Variants in UBE4B observed in about 807,000 individuals in gnomAD.
UBE4B encodes the protein ubiquitination factor E4B.
A neutral mutation model predicts 148.1 loss-of-function variants in UBE4B; 27 were observed. The ratio of observed to expected loss-of-function variants is 0.18; its 90% CI spans 0.13 to 0.25. The LOEUF (loss-of-function observed/expected upper bound fraction) is 0.25. Ranked by LOEUF, UBE4B falls within the 10% of genes least tolerant of loss-of-function variation. The pLI, the probability that UBE4B is intolerant of heterozygous loss-of-function variation, is 1.00. For synonymous variants in UBE4B, 596 were observed against 619.3 expected (o/e 0.96, Z 0.56); for missense variants, 1,170 against 1,662.4 (o/e 0.70, Z 5.15).
chr1:10,107,236 C>G, intron 7 of UBE4B: 1 of 1,289,602 alleles, frequency 7.8e-7, no homozygotes, highest in Non-Finnish European at 1.0e-6. Context: ...TACGACAATC[C>G]TTTCTCCTTC....
intron 21 of UBE4B, among the ~76,000 whole-genome samples, chr1:10,155,283 A>T (rs938754522): frequency 6.6e-6 from 1 of 152,150 alleles, no homozygotes; most frequent in African/African-American, 2.4e-5. Context: ...TCATAGATGG[A>T]TGACATCTGT....
intron 2 of UBE4B, among the ~76,000 whole-genome samples, chr1:10,083,910 T>C (rs1644723629): frequency 6.6e-6 from 1 of 152,198 alleles, no homozygotes; most frequent in Admixed American, 6.5e-5. Flanking sequence ...TTTGTGAATC[T>C]GGTTAAAGTG....
rs1646495582 is a variant in UBE4B, at chr1:10,180,949, A to G, written c.*993A>G. ...TTACCAAAGCAAAAGAGGGTGCAAG[A>G]ATGTGGGAGTATGTCTGCCGGTTTC... On this transcript the variant is annotated 3_prime_UTR_variant, in exon 28 of 28. Transcript: ENST00000343090. The G allele has an allele frequency of 6.6e-6, 1 of 152,500 alleles. No individual in the cohort carries two copies. The highest frequency in any genetic ancestry group is 2.1e-4 in the South Asian group (1 of 4,822). 9.4% of individuals were successfully genotyped at this position (152,500 alleles called of 1,614,324 possible).
chr1:10,147,129 G>T (rs922911056), intron 19 of UBE4B, 39 bp downstream of exon 19: 1 of 1,612,862 alleles, frequency 6.2e-7, no homozygotes, highest in African/African-American at 1.3e-5. Context: ...TCCCTCCTTG[G>T]CTGGGCTCTG....
chr1:10,057,276 C>CA (rs1413144196), intron 1 of UBE4B, among the ~76,000 whole-genome samples: 2 of 151,742 alleles, frequency 1.3e-5, no homozygotes, highest in Non-Finnish European at 2.9e-5. Context: ...CAATTAGATG[C>CA]AAAAAACACA....
intron 21 of UBE4B, among the ~76,000 whole-genome samples, chr1:10,154,842 C>CA (rs756146634): frequency 0.014 from 1,542 of 107,876 alleles, 21 homozygotes; most frequent in Admixed American, 0.049. Context: ...ATCTCCATCT[C>CA]AAAAAAAAAA....
chr1:10,173,586 C>G (rs1646370691), intron 25 of UBE4B, among the ~76,000 whole-genome samples: 2 of 152,120 alleles, frequency 1.3e-5, no homozygotes, highest in African/African-American at 4.8e-5. Context: ...GAAAGCAAGT[C>G]ATAGCCTGCA....
intron 25 of UBE4B, among the ~76,000 whole-genome samples, chr1:10,171,890 A>C (rs1052722801): frequency 2.0e-5 from 3 of 152,118 alleles, no homozygotes; most frequent in Non-Finnish European, 2.9e-5. Flanking sequence ...CAAAATAAAT[A>C]AATAAGTAAG....
At chr1:10,103,231 G>C in intron 5 of UBE4B, 139 bp downstream of exon 5, 1 of 790,782 alleles carries the variant, frequency 1.3e-6, no homozygotes, top group Non-Finnish European at 1.9e-6. Flanking sequence ...TTCTTGATGA[G>C]GACACAATTG....
At chr1:10,094,270 T>TA (rs1644894288) in intron 2 of UBE4B, among the ~76,000 whole-genome samples, 1 of 152,098 alleles carries the variant, frequency 6.6e-6, no homozygotes, top group South Asian at 2.1e-4. Context: ...TAATTTCCAC[T>TA]AAGGTGTTCA....
intron 25 of UBE4B, among the ~76,000 whole-genome samples, chr1:10,173,369 C>A (rs1195785924): frequency 6.6e-6 from 1 of 151,612 alleles, no homozygotes; most frequent in Non-Finnish European, 1.5e-5. Flanking sequence ...GTAGTCCCAG[C>A]TACTCGGGAG....
At chr1:10,112,806 T>A (rs2101906633) in intron 7 of UBE4B, among the ~76,000 whole-genome samples, 1 of 152,342 alleles carries the variant, frequency 6.6e-6, no homozygotes, top group South Asian at 2.1e-4. Flanking sequence ...CATTGACACT[T>A]AACGCTTGTA....
At chr1:10,037,125 T>G (rs1267368333) in intron 1 of UBE4B, among the ~76,000 whole-genome samples, 1 of 152,098 alleles carries the variant, frequency 6.6e-6, no homozygotes, top group Non-Finnish European at 1.5e-5. Flanking sequence ...CCTCCCGGGT[T>G]CAAGCGATTT....
intron 2 of UBE4B, among the ~76,000 whole-genome samples, chr1:10,088,626 C>G (rs1409850012): frequency 6.6e-6 from 1 of 151,988 alleles, no homozygotes; most frequent in Non-Finnish European, 1.5e-5. Context: ...CTGCCTTGTC[C>G]TCCCAAAGTG....
intron 22 of UBE4B, among the ~76,000 whole-genome samples, chr1:10,159,184 C>T (rs1257422406): frequency 6.6e-6 from 1 of 152,122 alleles, no homozygotes; most frequent in Non-Finnish European, 1.5e-5. Flanking sequence ...ACAATTAGGT[C>T]AGAGTTGTCA....
chr1:10,103,256 T>G (rs1645045292), intron 5 of UBE4B, 164 bp downstream of exon 5: 1 of 595,460 alleles, frequency 1.7e-6, no homozygotes, highest in African/African-American at 1.8e-5. Context: ...GCCACTTTCT[T>G]CCCTTTCCAC....
intron 7 of UBE4B, among the ~76,000 whole-genome samples, chr1:10,115,310 C>A (rs1456864534): frequency 6.6e-6 from 1 of 151,348 alleles, no homozygotes; most frequent in East Asian, 1.9e-4. Flanking sequence ...CTCTCTTGCC[C>A]AGGCTGGAGT....
chr1:10,089,503 G>GAAAAAAAA lies in UBE4B; in HGVS notation c.212-5951_212-5944dup, dbSNP rs113766750. Reference sequence around the variant, plus strand: ...CAGGTATCACTGAGAACATGTCTCTGAAAAAAAAAAAAAAGTTTTCAGGGG... The same window carrying GAAAAAAAA: ...CAGGTATCACTGAGAACATGTCTCTGAAAAAAAAAAAAAAAAAAAAAAGTTTTCAGGGG... On this transcript the variant is annotated intron_variant, in intron 2 of 27. Transcript: ENST00000343090. Among the ~76,000 whole-genome samples the GAAAAAAAA allele has an allele frequency of 8.5e-3, 1,148 of 134,430 alleles. 10 individuals are homozygous for GAAAAAAAA. Among genetic ancestry groups the GAAAAAAAA allele is most frequent in the African/African-American group, 0.029 (1,072 of 36,368 alleles). The allele number at this position is 134,430 out of a possible 152,430, so 88.2% of individuals were successfully genotyped here. A position where few individuals can be genotyped will look rare whatever the true frequency, so the allele number is the denominator to read the frequency against.
Position 10,033,664 on chromosome 1 carries a change from G to A in UBE4B, c.-7G>A, listed in dbSNP as rs756579687. On this transcript the variant is annotated 5_prime_UTR_variant, in exon 1 of 28. Transcript: ENST00000343090. ...CCTTAACGCCTTTCACCATTAAGAG[G>A]AAAGCGATGGAGGAGCTGAGCGCTG... 3 of 1,571,014 alleles carry A rather than the reference G, an allele frequency of 1.9e-6. No individual in the cohort carries two copies. In the Admixed American group the frequency reaches 5.7e-5, roughly 30 times the overall value.
Sources: allele counts gnomAD v4.1 joint callset (sites outside exome capture counted in the v4.1 genomes callset), GRCh38; gene constraint gnomAD v4.1.1; transcripts MANE v1.5; gene names NCBI Gene and HGNC (gene_info 2026-07-23, HGNC 2026-07-21).